Variants in XKR4 observed in about 807,000 individuals in gnomAD.
XKR4 encodes XK-related protein 4.
XKR4 carries 12 observed loss-of-function variants against 53.9 expected under a neutral mutation model. The ratio of observed to expected loss-of-function variants is 0.22; its 90% CI spans 0.14 to 0.36. The LOEUF is 0.36. XKR4 is among the 10% of genes least tolerant of loss of function. The pLI, the probability that XKR4 is intolerant of heterozygous loss-of-function variation, is 1.00. For synonymous variants in XKR4, 354 were observed against 362.4 expected (o/e 0.98, Z 0.26); for missense variants, 799 against 859.5 (o/e 0.93, Z 0.88).
chr8:55,112,918 C>T lies in XKR4; in HGVS notation c.806+9624C>T, dbSNP rs532137618. Among the ~76,000 whole-genome samples the T allele has an allele frequency of 6.1e-4, 93 of 152,112 alleles. 3 individuals carry two copies. The South Asian group carries it at 0.019, about 31-fold the overall frequency. ...TGTTATTATAACATAAATTAAGAGG[C>T]ATGTCTCAATAAAGTTTTGTATTTC... is the stretch of plus-strand genomic sequence containing the variant. On this transcript the variant is annotated intron_variant, in intron 1 of 2. Coordinates refer to ENST00000327381, the MANE Select transcript of XKR4 (RefSeq NM_052898.2).
chr8:55,226,140 C>A (rs1337069276), intron 1 of XKR4, among the ~76,000 whole-genome samples: 2 of 152,198 alleles, frequency 1.3e-5, no homozygotes, highest in Non-Finnish European at 2.9e-5. Context: ...AAAGTCCATA[C>A]TCTGATGAGC....
intron 2 of XKR4, among the ~76,000 whole-genome samples, chr8:55,479,953 G>C (rs1269891304): frequency 1.3e-5 from 2 of 152,170 alleles, no homozygotes; most frequent in Non-Finnish European, 2.9e-5. Flanking sequence ...CGGATTCACT[G>C]CCGAATTTTA....
At chr8:55,328,244 G>C (rs756111630) in intron 1 of XKR4, among the ~76,000 whole-genome samples, 1 of 152,118 alleles carries the variant, frequency 6.6e-6, no homozygotes, top group Non-Finnish European at 1.5e-5. Flanking sequence ...TATCACTATT[G>C]ATTGAATTTT....
intron 1 of XKR4, among the ~76,000 whole-genome samples, chr8:55,332,927 T>TA (rs1803402196): frequency 6.6e-6 from 1 of 151,926 alleles, no homozygotes; most frequent in Non-Finnish European, 1.5e-5. Context: ...TTCTTCTTTT[T>TA]TTTTTTCCTC....
chr8:55,332,170 C>T (rs1056540709), intron 1 of XKR4, among the ~76,000 whole-genome samples: 1 of 152,018 alleles, frequency 6.6e-6, no homozygotes, highest in African/African-American at 2.4e-5. Context: ...TATAACAAAA[C>T]TTTAATTTCA....
chr8:55,438,232 G>T (rs1805206548), intron 2 of XKR4, among the ~76,000 whole-genome samples: 1 of 152,104 alleles, frequency 6.6e-6, no homozygotes. Context: ...CATGCTCAGG[G>T]ATAATGACTC....
intron 1 of XKR4, among the ~76,000 whole-genome samples, chr8:55,287,309 G>A (rs959220312): frequency 6.6e-6 from 1 of 151,980 alleles, no homozygotes; most frequent in African/African-American, 2.4e-5. Context: ...TTTGAAAAAA[G>A]CAACCTCATA....
intron 2 of XKR4, among the ~76,000 whole-genome samples, chr8:55,414,267 A>G (rs947156432): frequency 3.2e-4 from 49 of 152,174 alleles, no homozygotes; most frequent in African/African-American, 1.1e-3. Context: ...CAAAGGCAAC[A>G]TTTATTCACA....
chr8:55,274,113 A>T (rs1189132678), intron 1 of XKR4, among the ~76,000 whole-genome samples: 1 of 152,264 alleles, frequency 6.6e-6, no homozygotes, highest in Non-Finnish European at 1.5e-5. Context: ...CTGAAGCAAG[A>T]TAAAGATGAT....
At chr8:55,319,505 T>G (rs1158673597) in intron 1 of XKR4, among the ~76,000 whole-genome samples, 1 of 152,142 alleles carries the variant, frequency 6.6e-6, no homozygotes, top group African/African-American at 2.4e-5. Context: ...ATTGTAAGGA[T>G]AAAAAAATGA....
chr8:55,540,620 A>G lies in XKR4; in HGVS notation c.*16393A>G, dbSNP rs1807088608. 6.6e-6 allele frequency: 1 copy of G among 152,182 alleles called. No individual in the cohort carries two copies. Among genetic ancestry groups the G allele is most frequent in the African/African-American group, 2.4e-5 (1 of 41,446 alleles). 9.4% of individuals were successfully genotyped at this position (152,182 alleles called of 1,614,324 possible). A position where few individuals can be genotyped will look rare whatever the true frequency, so the allele number is the denominator to read the frequency against. ...AGGATATGCAAATTACATTTTTCCCATTCTCAGAACAAAGACAGCAACCAA... is the reference window on the plus strand; with the variant it reads ...AGGATATGCAAATTACATTTTTCCCGTTCTCAGAACAAAGACAGCAACCAA... On this transcript the variant is annotated 3_prime_UTR_variant, in exon 3 of 3. Transcript: ENST00000327381.
chr8:55,419,189 A>G lies in XKR4; in HGVS notation c.1006+61312A>G, dbSNP rs538439505. ...CACCTGAGGTCAGGAGTTCAAGACCAGCCTGGCCAACATGGTGAAACCCCG... is the reference window on the plus strand; with the variant it reads ...CACCTGAGGTCAGGAGTTCAAGACCGGCCTGGCCAACATGGTGAAACCCCG... On this transcript the variant is annotated intron_variant, in intron 2 of 2. Coordinates refer to ENST00000327381, the MANE Select transcript of XKR4 (RefSeq NM_052898.2). 9.5e-4 allele frequency among the ~76,000 whole-genome samples: 144 copies of G among 152,298 alleles called. 1 individual carries two copies. Among genetic ancestry groups the G allele is most frequent in the Middle Eastern group, 6.8e-3 (2 of 294 alleles).
chr8:55,503,617 T>C (rs1481321107), intron 2 of XKR4, among the ~76,000 whole-genome samples: 1 of 152,202 alleles, frequency 6.6e-6, no homozygotes, highest in Non-Finnish European at 1.5e-5. Context: ...GTGGAATCTT[T>C]AGAATTGTCT....
intron 1 of XKR4, among the ~76,000 whole-genome samples, chr8:55,284,944 A>G (rs541021177): frequency 6.6e-6 from 1 of 152,324 alleles, no homozygotes; most frequent in African/African-American, 2.4e-5. Flanking sequence ...CTCTGCCAGT[A>G]ATTCAAATGC....
At chr8:55,472,507 G>A (rs1467648941) in intron 2 of XKR4, among the ~76,000 whole-genome samples, 3 of 152,098 alleles carry the variant, frequency 2.0e-5, no homozygotes, top group African/African-American at 7.3e-5. Context: ...AGAGGGAAAC[G>A]AGACCAGGTC....
At chr8:55,311,729 T>G (rs545133756) in intron 1 of XKR4, among the ~76,000 whole-genome samples, 2 of 150,836 alleles carry the variant, frequency 1.3e-5, no homozygotes, top group Admixed American at 1.3e-4. Context: ...AGAATTGAAG[T>G]TGGGTAGATT....
chr8:55,263,737 T>C (rs1818561212), intron 1 of XKR4, among the ~76,000 whole-genome samples: 1 of 152,226 alleles, frequency 6.6e-6, no homozygotes, highest in Non-Finnish European at 1.5e-5. Context: ...TCTGGGTAAT[T>C]TGTTGAGTCA....
At chr8:55,372,371 A>C (rs1358266832) in intron 2 of XKR4, among the ~76,000 whole-genome samples, 1 of 152,170 alleles carries the variant, frequency 6.6e-6, no homozygotes, top group Non-Finnish European at 1.5e-5. Context: ...GGGAACTTAG[A>C]GCTGACGTTT....
chr8:55,190,787 G>A (rs898021803), intron 1 of XKR4, among the ~76,000 whole-genome samples: 1 of 152,184 alleles, frequency 6.6e-6, no homozygotes, highest in Non-Finnish European at 1.5e-5. Flanking sequence ...GGTCCAGAGG[G>A]CCTCCGCTTT....
Sources: gnomAD v4.1 joint callset for allele counts (sites outside exome capture counted in the v4.1 genomes callset) on GRCh38, gnomAD v4.1.1 for gene constraint, MANE v1.5 for transcripts, NCBI Gene and HGNC (gene_info 2026-07-23, HGNC 2026-07-21) for gene names.